GOLGA8B: variants seen among roughly 807,000 people sequenced by gnomAD.
GOLGA8B encodes the protein golgin subfamily A member 8B.
A neutral mutation model predicts 15.6 loss-of-function variants in GOLGA8B; 1 was observed. That is an observed-to-expected ratio of 0.06 (90% CI 0.02 to 0.30). The LOEUF is 0.30. Ranked by LOEUF, GOLGA8B falls within the 10% of genes least tolerant of loss-of-function variation. GOLGA8B has a pLI of 1.00. For synonymous variants in GOLGA8B, 9 were observed against 80.3 expected (o/e 0.11, Z 4.75); for missense variants, 17 against 201.3 (o/e 0.08, Z 5.54).
chr15:34,573,140 T>C (rs1888966209), intron 1 of GOLGA8B, among the ~76,000 whole-genome samples: 1 of 152,192 alleles, frequency 6.6e-6, no homozygotes, highest in African/African-American at 2.4e-5. Context: ...TTAGCTCTGG[T>C]GGGGAGCGCT....
chr15:34,569,524 G>A (rs1173509216), intron 1 of GOLGA8B, among the ~76,000 whole-genome samples: 2 of 151,154 alleles, frequency 1.3e-5, no homozygotes, highest in African/African-American at 4.8e-5. Flanking sequence ...CTGAAATCCT[G>A]GCAACACCCA....
intron 1 of GOLGA8B, among the ~76,000 whole-genome samples, chr15:34,579,883 T>G (rs1281135892): frequency 6.6e-6 from 1 of 152,222 alleles, no homozygotes; most frequent in Non-Finnish European, 1.5e-5. Context: ...CTTTTACATT[T>G]GAGTGATAAG....
At chr15:34,580,037 T>C (rs376486146) in intron 1 of GOLGA8B, among the ~76,000 whole-genome samples, 9 of 151,282 alleles carry the variant, frequency 5.9e-5, no homozygotes, top group Middle Eastern at 3.4e-3. Flanking sequence ...GGTGAGGGGC[T>C]GGCCAGGTGG....
rs1888050374 is a variant in GOLGA8B at position 34,526,170 on chromosome 15, A to G, written c.*1462T>C. On this transcript the variant is annotated 3_prime_UTR_variant, in exon 24 of 24. Transcript: ENST00000683415. The stretch of plus-strand genomic sequence containing the variant: ...TCTTCGTAAAGAAGTTTGTGAGGAA[A>G]TACAACTCTGCGATCGTATAGACAT... The G allele has an allele frequency of 6.7e-6, 1 of 150,106 alleles. No individual in the cohort carries two copies. Among genetic ancestry groups the G allele is most frequent in the South Asian group, 2.1e-4 (1 of 4,686 alleles). The allele number at this position is 150,106 out of a possible 1,614,324, so 9.3% of individuals were successfully genotyped here.
chr15:34,572,063 T>G (rs1259749772), intron 1 of GOLGA8B, among the ~76,000 whole-genome samples: 1 of 152,226 alleles, frequency 6.6e-6, no homozygotes, highest in Non-Finnish European at 1.5e-5. Flanking sequence ...AGAAACAGCT[T>G]GTTATCATTC....
At chr15:34,580,370 G>C (rs1159232087) in intron 1 of GOLGA8B, among the ~76,000 whole-genome samples, 2 of 152,162 alleles carry the variant, frequency 1.3e-5, no homozygotes, top group Non-Finnish European at 2.9e-5. Flanking sequence ...TGAAGGCCTG[G>C]GCAATGGTGT....
chr15:34,573,060 G>C (rs968966005), intron 1 of GOLGA8B, among the ~76,000 whole-genome samples: 2 of 152,162 alleles, frequency 1.3e-5, no homozygotes, highest in Admixed American at 6.5e-5. Flanking sequence ...GTCCAGCCTA[G>C]AGACAACATA....
intron 1 of GOLGA8B, among the ~76,000 whole-genome samples, chr15:34,574,128 C>T (rs1352866944): frequency 3.9e-5 from 6 of 152,098 alleles, no homozygotes; most frequent in Admixed American, 2.6e-4. Flanking sequence ...TCCCACTGCC[C>T]GGTGTGTCAT....
intron 1 of GOLGA8B, among the ~76,000 whole-genome samples, chr15:34,574,594 G>A (rs200398380): frequency 2.0e-5 from 3 of 151,996 alleles, no homozygotes; most frequent in East Asian, 1.9e-4. Context: ...ATGAACCACC[G>A]TGCCCAGCCT....
At position 34,565,070 on chromosome 15, in the gene GOLGA8B, C is replaced by A. The variant is rs576610520; in HGVS notation, c.-1122-11114G>T. On this transcript the variant is annotated intron_variant, in intron 1 of 23. Transcript: ENST00000683415. ...GAAGGTGGTTGAGTTTAGCTCCAGT[C>A]CCCAAAAGGTGCTGTGGGGAGGAAG... Among the ~76,000 whole-genome samples, 11 of 143,306 alleles carry A rather than the reference C, an allele frequency of 7.7e-5. 2 individuals are homozygous for A. Among genetic ancestry groups the A allele is most frequent in the South Asian group, 2.2e-4 (1 of 4,606 alleles). 94.0% of individuals were successfully genotyped at this position (143,306 alleles called of 152,430 possible).
chr15:34,583,420 C>T (rs62004938), intron 1 of GOLGA8B, 96 bp downstream of exon 1: 27,353 of 151,568 alleles, frequency 0.18, 3,007 homozygotes, highest in Non-Finnish European at 0.26. Flanking sequence ...CTGCAGCTTC[C>T]GCGCCGCCCC....
chr15:34,580,145 C>G (rs57365569), intron 1 of GOLGA8B, among the ~76,000 whole-genome samples: 1 of 151,880 alleles, frequency 6.6e-6, no homozygotes, highest in Non-Finnish European at 1.5e-5. Flanking sequence ...AGGGATAAGA[C>G]GAAAGAGCCT....
At chr15:34,571,915 T>C (rs1336128782) in intron 1 of GOLGA8B, among the ~76,000 whole-genome samples, 3 of 151,912 alleles carry the variant, frequency 2.0e-5, no homozygotes, top group East Asian at 3.9e-4. Flanking sequence ...CCGCAATATA[T>C]ATAGAAAATG....
At chr15:34,579,998 T>A (rs1170603268) in intron 1 of GOLGA8B, among the ~76,000 whole-genome samples, 27 of 152,030 alleles carry the variant, frequency 1.8e-4, no homozygotes, top group African/African-American at 6.5e-4. Flanking sequence ...AACGCTAATT[T>A]ATGCAGGGCC....
chr15:34,577,947 C>T (rs566628841), intron 1 of GOLGA8B, among the ~76,000 whole-genome samples: 4 of 152,278 alleles, frequency 2.6e-5, no homozygotes, highest in South Asian at 4.1e-4. Context: ...TACAACTTTA[C>T]GACAATGTCA....
At chr15:34,577,641 A>C (rs1889119344) in intron 1 of GOLGA8B, among the ~76,000 whole-genome samples, 1 of 152,140 alleles carries the variant, frequency 6.6e-6, no homozygotes, top group African/African-American at 2.4e-5. Flanking sequence ...ATCATAGAGC[A>C]TACATTATAC....
At chr15:34,582,175 T>C (rs1459271237) in intron 1 of GOLGA8B, among the ~76,000 whole-genome samples, 1 of 152,160 alleles carries the variant, frequency 6.6e-6, no homozygotes, top group Non-Finnish European at 1.5e-5. Context: ...ACCCAGTTCC[T>C]GTCCCCCTGC....
At chr15:34,574,449 A>G (rs62004899) in intron 1 of GOLGA8B, among the ~76,000 whole-genome samples, 55,271 of 148,784 alleles carry the variant, frequency 0.37, 10,535 homozygotes, top group Admixed American at 0.46. Flanking sequence ...GACCACACCC[A>G]TGAGCCACCA....
At chr15:34,575,327 C>T (rs1261019150) in intron 1 of GOLGA8B, among the ~76,000 whole-genome samples, 1 of 151,078 alleles carries the variant, frequency 6.6e-6, no homozygotes, top group Non-Finnish European at 1.5e-5. Context: ...CCTCCCCACA[C>T]CCTCCTCTCG....
Sources: allele counts gnomAD v4.1 joint callset (sites outside exome capture counted in the v4.1 genomes callset), GRCh38; gene constraint gnomAD v4.1.1; transcripts MANE v1.5; gene names NCBI Gene and HGNC (gene_info 2026-07-23, HGNC 2026-07-21).